Variants in QSER1 observed in about 807,000 individuals in gnomAD.
QSER1 encodes the protein glutamine and serine-rich protein 1.
In QSER1, 49 loss-of-function variants were observed where a neutral mutation model predicts 158.5. The observed-to-expected ratio is 0.31, with a 90% CI of 0.25 to 0.39. QSER1 has a LOEUF of 0.39. Among genes scored for constraint, QSER1 ranks in the 10% least tolerant of loss-of-function variants. The pLI is 1.00. For synonymous variants in QSER1, 650 were observed against 715.5 expected (o/e 0.91, Z 1.46); for missense variants, 1,754 against 2,010.3 (o/e 0.87, Z 2.44).
At chr11:32,972,835 T>C (rs569460663) in intron 10 of QSER1, among the ~76,000 whole-genome samples, 1 of 152,320 alleles carries the variant, frequency 6.6e-6, no homozygotes, top group Admixed American at 6.5e-5. Context: ...TTACAAGTAC[T>C]TGTCTTGCAG....
chr11:32,975,398 C>A, intron 12 of QSER1, 55 bp downstream of exon 12: 11 of 1,595,218 alleles, frequency 6.9e-6, no homozygotes, highest in Non-Finnish European at 9.4e-6. Flanking sequence ...TAAGGAGACT[C>A]TAGCCATAGT....
chr11:32,898,482 TCACACACACACACA>T (rs71034630), intron 1 of QSER1, among the ~76,000 whole-genome samples: 3,300 of 143,034 alleles, frequency 0.023, 62 homozygotes, highest in South Asian at 0.038. Context: ...TGAGAACCTG[TCACACACACACACA>T]CACACACACA....
At chr11:32,903,026 G>A (rs1437203024) in intron 1 of QSER1, among the ~76,000 whole-genome samples, 1 of 152,168 alleles carries the variant, frequency 6.6e-6, no homozygotes, top group Non-Finnish European at 1.5e-5. Flanking sequence ...GAGGGTATAG[G>A]ATTAAATAGA....
chr11:32,909,107 C>CT (rs1370546736), intron 1 of QSER1, among the ~76,000 whole-genome samples: 2 of 152,156 alleles, frequency 1.3e-5, no homozygotes, highest in Non-Finnish European at 2.9e-5. Context: ...TTGAAGTGAG[C>CT]TGAGATCGCG....
rs201421273 is a variant in QSER1 at position 32,933,911 on chromosome 11, C to G, written c.2653C>G (p.Arg885Gly). The G allele has an allele frequency of 6.2e-7, 1 of 1,613,850 alleles. No homozygotes were observed. The highest frequency in any genetic ancestry group is 8.5e-7 in the Non-Finnish European group (1 of 1,179,932). Residue 885 changes from arginine (R) to glycine (G), a missense_variant, in exon 4 of 13, where the codon CGT becomes GGT. Coordinates refer to ENST00000650167, the MANE Select transcript of QSER1 (RefSeq NM_001076786.3). ...AGTAAAGGCATCTTTACAAGCACAG[C>G]GTGTTCAAAGCCCTCAACAAATAGT... ...GQVKASLQAQ[R>G]VQSPQQIVHP...
At chr11:32,942,211 T>A (rs1852251477) in intron 4 of QSER1, among the ~76,000 whole-genome samples, 1 of 130,278 alleles carries the variant, frequency 7.7e-6, no homozygotes, top group South Asian at 2.9e-4. Flanking sequence ...TAGTTTCTTT[T>A]GCTGTGCAGA....
intron 9 of QSER1, among the ~76,000 whole-genome samples, chr11:32,966,991 G>T (rs754345695): frequency 6.6e-6 from 1 of 152,032 alleles, no homozygotes; most frequent in Non-Finnish European, 1.5e-5. Flanking sequence ...CTCACCAGCA[G>T]TCCCAGTACT....
At chr11:32,903,537 C>G (rs1554923573) in intron 1 of QSER1, among the ~76,000 whole-genome samples, 1 of 151,572 alleles carries the variant, frequency 6.6e-6, no homozygotes, top group Non-Finnish European at 1.5e-5. Flanking sequence ...GAAGTGCTAA[C>G]TTTTGAAATG....
intron 1 of QSER1, among the ~76,000 whole-genome samples, chr11:32,912,028 T>C (rs1851773165): frequency 6.6e-6 from 1 of 152,246 alleles, no homozygotes; most frequent in South Asian, 2.1e-4. Context: ...CTATAATTTC[T>C]GCCCTTAGCC....
chr11:32,947,235 C>T (rs12794927), intron 4 of QSER1, among the ~76,000 whole-genome samples: 3,714 of 152,264 alleles, frequency 0.024, 68 homozygotes, highest in South Asian at 0.049. Context: ...TGTTCCTATT[C>T]GGCCATCTTG....
At position 32,933,090 on chromosome 11, in the gene QSER1, A is replaced by G; in HGVS notation, c.1832A>G (p.Gln611Arg). ...TCTTATTCTTCTGCCTCTCGGGCTC[A>G]GAATTTGCCAGACTCTAGCCCGACC... ...SLSYSSASRA[Q>R]NLPDSSPTQN... is the part of the protein sequence containing the mutation. Residue 611 changes from glutamine (Q) to arginine (R), a missense_variant, in exon 4 of 13, where the codon CAG becomes CGG. Gln to Arg is a conservative substitution (Grantham distance 43). Transcript: ENST00000650167. 2 of 1,613,922 alleles carry G rather than the reference A, an allele frequency of 1.2e-6. No homozygotes were observed. Among genetic ancestry groups the G allele is most frequent in the Non-Finnish European group, 1.7e-6 (2 of 1,180,000 alleles).
intron 9 of QSER1, among the ~76,000 whole-genome samples, chr11:32,967,220 C>T (rs1015359289): frequency 6.6e-6 from 1 of 152,124 alleles, no homozygotes. Flanking sequence ...ACTGAAGTAA[C>T]TCAGGAATGG....
chr11:32,940,448 A>G (rs1852212862), intron 4 of QSER1, among the ~76,000 whole-genome samples: 1 of 152,120 alleles, frequency 6.6e-6, no homozygotes, highest in South Asian at 2.1e-4. Context: ...TTCATAAGTG[A>G]GATTAGCTTA....
In QSER1 at chr11:32,940,476, A is replaced by C. The variant is rs144415452; in HGVS notation, c.4177+5041A>C. ...TTAGCTTATAGTATTTTTTGTCTTA[A>C]TCTGACTCACTTTTGTATTCAGGAT... is the stretch of plus-strand genomic sequence containing the variant. On this transcript the variant is annotated intron_variant, in intron 4 of 12. Transcript: ENST00000650167. 2.2e-3 allele frequency among the ~76,000 whole-genome samples: 337 copies of C among 152,248 alleles called. 2 individuals carry two copies. Among genetic ancestry groups the C allele is most frequent in the African/African-American group, 7.5e-3 (310 of 41,554 alleles).
rs1351520026 is a variant in QSER1, at chr11:32,966,420, C to T, written c.5090C>T (p.Ala1697Val). The change falls in exon 9 of 13, where the codon GCC (alanine) becomes GTC (valine). Residue 1697 changes from alanine to valine, a missense_variant. Physicochemically the swap from Ala to Val is moderately conservative, Grantham distance 64 (BLOSUM62 0). Around this residue, in one of 2 missense-constraint regions of QSER1, gnomAD observed 1,707 missense variants for 1,919.6 expected, o/e 0.89. Coordinates refer to ENST00000650167, the MANE Select transcript of QSER1 (RefSeq NM_001076786.3). ...GCCTTGGACCCTGACACAATGCAAG[C>T]CTTAGAGAAGAGCAATGGTACAGTC... ...SIALDPDTMQ[A>V]LEKSNDELLL... The T allele has an allele frequency of 3.7e-6, 6 of 1,613,456 alleles. No individual in the cohort carries two copies. The highest frequency in any genetic ancestry group is 5.1e-6 in the Non-Finnish European group (6 of 1,179,790).
intron 4 of QSER1, 88 bp downstream of exon 4, chr11:32,935,523 C>T (rs1287768466): frequency 2.0e-6 from 2 of 981,778 alleles, no homozygotes; most frequent in Non-Finnish European, 2.9e-6. Context: ...TCACTTAAAG[C>T]AGGTCTGCAA....
chr11:32,906,645 T>C (rs1488213970), intron 1 of QSER1, among the ~76,000 whole-genome samples: 1 of 152,124 alleles, frequency 6.6e-6, no homozygotes, highest in Admixed American at 6.5e-5. Flanking sequence ...ACTTCTGGGC[T>C]CAAGTGACCC....
At position 32,934,107 on chromosome 11, in the gene QSER1, A is replaced by G. The variant is rs376287754; in HGVS notation, c.2849A>G (p.His950Arg). Reference protein sequence around the residue: ...TKGHFSETNQHDSKNQFVSLG... With the variant: ...TKGHFSETNQRDSKNQFVSLG... ...GGCCATTTTAGTGAAACAAATCAAC[A>G]TGATTCAAAGAATCAGTTTGTTTCT... The change falls in exon 4 of 13, where the codon CAT becomes CGT. Residue 950 changes from histidine (H) to arginine (R), a missense_variant. This residue lies in a region of QSER1 where 1,707 missense variants were observed against 1,919.6 expected (regional missense o/e 0.89). Coordinates refer to ENST00000650167, the MANE Select transcript of QSER1 (RefSeq NM_001076786.3). The G allele has an allele frequency of 8.1e-6, 13 of 1,613,834 alleles. No individual in the cohort carries two copies. Among genetic ancestry groups the G allele is most frequent in the African/African-American group, 8.0e-5 (6 of 74,932 alleles).
At chr11:32,960,057 G>A (rs751083649) in intron 8 of QSER1, among the ~76,000 whole-genome samples, 2 of 151,902 alleles carry the variant, frequency 1.3e-5, no homozygotes, top group African/African-American at 2.4e-5. Context: ...ATAAGCCACT[G>A]TGCCCAGTCT....
Sources: gnomAD v4.1 joint callset for allele counts (sites outside exome capture counted in the v4.1 genomes callset) on GRCh38, gnomAD v4.1.1 for gene constraint, gnomAD v4.1.1 regional missense constraint, MANE v1.5 for transcripts, NCBI Gene and HGNC (gene_info 2026-07-23, HGNC 2026-07-21) for gene names.